Variants in CAST observed in about 807,000 individuals in gnomAD.
CAST encodes MIR583 host.
Under a neutral mutation model 119.6 loss-of-function variants are expected in CAST, and 76 were observed. That is an observed-to-expected ratio of 0.64 (90% CI 0.53 to 0.77). The LOEUF (loss-of-function observed/expected upper bound fraction) is 0.77, where lower values mean the gene tolerates loss of function less well. CAST is among the 30% of genes least tolerant of loss of function. The probability of loss-of-function intolerance (pLI) is 0.00; values close to 1 mark genes in which losing one functional copy is unlikely to be tolerated. For missense variants in CAST, 953 were observed against 946.5 expected (o/e 1.01, Z -0.09); for synonymous variants, 319 against 331.6 (o/e 0.96, Z 0.41).
At chr5:96,227,072 G>T in the CAST span, among the ~76,000 whole-genome samples, 5 of 152,126 alleles carry the variant, frequency 3.3e-5, no homozygotes, top group African/African-American at 1.2e-4. Flanking sequence ...TGGCTTCCAG[G>T]ATCTTCTTGT....
chr5:96,670,418 CTT>C (rs1749910231), intron 1 of CAST, among the ~76,000 whole-genome samples: 1 of 152,210 alleles, frequency 6.6e-6, no homozygotes, highest in Non-Finnish European at 1.5e-5. Context: ...ATTTCATACT[CTT>C]TTCACAGCTG....
At chr5:96,682,071 A>G (rs1028906826) in intron 2 of CAST, among the ~76,000 whole-genome samples, 2 of 152,210 alleles carry the variant, frequency 1.3e-5, no homozygotes, top group Admixed American at 1.3e-4. Context: ...TATTTTAGAA[A>G]TTAAACTTTA....
At chr5:96,041,792 T>C in the CAST span, among the ~76,000 whole-genome samples, 1 of 152,120 alleles carries the variant, frequency 6.6e-6, no homozygotes. Context: ...CATGGTTCTC[T>C]GGGGGACGAT....
chr5:96,712,243 C>T (rs1756315403), intron 3 of CAST, among the ~76,000 whole-genome samples: 2 of 152,202 alleles, frequency 1.3e-5, no homozygotes, highest in Admixed American at 1.3e-4. Flanking sequence ...TGCTCAAGGT[C>T]ACACAATTTA....
chr5:96,425,008 A>AAAGAAAG, the CAST span, among the ~76,000 whole-genome samples: 57 of 117,512 alleles, frequency 4.9e-4, no homozygotes, highest in African/African-American at 1.8e-3. Context: ...AGAAAGAAAG[A>AAAGAAAG]AAAGAAAGAA....
chr5:96,066,559 G>A, the CAST span, among the ~76,000 whole-genome samples: 1 of 151,640 alleles, frequency 6.6e-6, no homozygotes, highest in African/African-American at 2.4e-5. Flanking sequence ...TACTACTTCA[G>A]CCCATATAAG....
the CAST span, among the ~76,000 whole-genome samples, chr5:96,471,008 G>T: frequency 6.6e-6 from 1 of 152,096 alleles, no homozygotes; most frequent in East Asian, 1.9e-4. Flanking sequence ...GGGCTTTGAG[G>T]TCATGGAGAT....
rs191667730 is a variant in CAST at position 96,713,882 on chromosome 5, G to T, written c.211-8757G>T. On this transcript the variant is annotated intron_variant, in intron 3 of 31. Coordinates refer to ENST00000675179, the MANE Select transcript of CAST (RefSeq NM_001750.7). Reference sequence around the variant, plus strand: ...CCCAGCTACTTGGGAGGCTGAGACCGGAGAATTGCTTGAACCCAGGTGGCG... The same window carrying T: ...CCCAGCTACTTGGGAGGCTGAGACCTGAGAATTGCTTGAACCCAGGTGGCG... 5.8e-4 allele frequency among the ~76,000 whole-genome samples: 88 copies of T among 152,196 alleles called. 2 individuals are homozygous for T. In the South Asian group the frequency reaches 0.012, roughly 21 times the overall value.
At chr5:96,046,892 C>T in the CAST span, among the ~76,000 whole-genome samples, 3 of 152,080 alleles carry the variant, frequency 2.0e-5, no homozygotes, top group African/African-American at 4.8e-5. Flanking sequence ...CATCAGATCT[C>T]GTGAAACTTA....
chr5:96,584,184 G>A (rs983145796), intron 1 of CAST, among the ~76,000 whole-genome samples: 5 of 152,174 alleles, frequency 3.3e-5, no homozygotes, highest in African/African-American at 9.7e-5. Context: ...TCAGGCATTT[G>A]TTAAGTTCTC....
intron 1 of CAST, among the ~76,000 whole-genome samples, chr5:96,610,869 C>T (rs1747347665): frequency 6.6e-6 from 1 of 152,086 alleles, no homozygotes. Flanking sequence ...TTTATGCACT[C>T]CAGGACATTC....
At chr5:96,242,619 CTTTA>C in the CAST span, among the ~76,000 whole-genome samples, 1 of 152,166 alleles carries the variant, frequency 6.6e-6, no homozygotes, top group Non-Finnish European at 1.5e-5. Flanking sequence ...ATCTGATCTA[CTTTA>C]TTTATAACTG....
At chr5:96,364,697 A>T in the CAST span, among the ~76,000 whole-genome samples, 1 of 152,046 alleles carries the variant, frequency 6.6e-6, no homozygotes, top group Admixed American at 6.6e-5. Flanking sequence ...TATTGCGTCT[A>T]TTTGATTCTT....
chr5:96,507,919 C>G, the CAST span, among the ~76,000 whole-genome samples: 3 of 151,946 alleles, frequency 2.0e-5, no homozygotes, highest in African/African-American at 7.3e-5. Flanking sequence ...CATCTAAATT[C>G]TCAAAACTTT....
chr5:96,156,074 G>C, the CAST span, among the ~76,000 whole-genome samples: 2 of 152,150 alleles, frequency 1.3e-5, no homozygotes, highest in African/African-American at 4.8e-5. Flanking sequence ...ATATCGTATT[G>C]AACGTGGGAG....
the CAST span, among the ~76,000 whole-genome samples, chr5:96,173,170 A>G: frequency 6.6e-6 from 1 of 152,204 alleles, no homozygotes; most frequent in African/African-American, 2.4e-5. Flanking sequence ...CTCCCCAAAC[A>G]TGGGAAAGAT....
In CAST at chr5:96,729,633, G is replaced by T. The variant is rs747800797; in HGVS notation, c.457G>T (p.Ala153Ser). 6 of 1,577,512 alleles carry T rather than the reference G, an allele frequency of 3.8e-6. No individual in the cohort carries two copies. In the South Asian group the frequency reaches 5.5e-5, roughly 15 times the overall value. ...TCAGCCAAAAAGCCTACCCAAGCAG[G>T]CATCAGATACAGGAAGTAACGATGC... ...HTEPKSLPKQASDTGSNDAHN... is the reference protein window; with the variant it reads ...HTEPKSLPKQSSDTGSNDAHN... The change falls in exon 8 of 32, where the codon GCA becomes TCA. Residue 153 changes from alanine to serine, a missense_variant. Ala to Ser is a moderately conservative substitution (Grantham distance 99, BLOSUM62 1). Coordinates refer to ENST00000675179, the MANE Select transcript of CAST (RefSeq NM_001750.7).
At chr5:96,347,010 A>C in the CAST span, among the ~76,000 whole-genome samples, 162 of 152,266 alleles carry the variant, frequency 1.1e-3, no homozygotes, top group African/African-American at 3.8e-3. Context: ...CTTGAGAGAT[A>C]GCATACTGGG....
chr5:96,410,718 A>T, the CAST span: 1 of 1,379,176 alleles, frequency 7.3e-7, no homozygotes, highest in Non-Finnish European at 1.0e-6. Context: ...GAATCATTTC[A>T]CATGCATGCC....
Sources: gnomAD v4.1 joint callset for allele counts (sites outside exome capture counted in the v4.1 genomes callset) on GRCh38, gnomAD v4.1.1 for gene constraint, MANE v1.5 for transcripts, NCBI Gene and HGNC (gene_info 2026-07-23, HGNC 2026-07-21) for gene names.